TRERF1: variants seen among roughly 807,000 people sequenced by gnomAD.
TRERF1 encodes transcriptional regulating factor 1.
TRERF1 carries 27 observed loss-of-function variants against 122.9 expected under a neutral mutation model. The ratio of observed to expected loss-of-function variants is 0.22; its 90% CI spans 0.16 to 0.30. The LOEUF is 0.30. Ranked by LOEUF, TRERF1 falls within the 10% of genes least tolerant of loss-of-function variation. TRERF1 has a pLI of 1.00. For missense variants in TRERF1, 1,248 were observed against 1,560.3 expected (o/e 0.80, Z 3.37); for synonymous variants, 636 against 641.7 (o/e 0.99, Z 0.13).
At chr6:42,395,182 C>T (rs1013588970) in intron 2 of TRERF1, among the ~76,000 whole-genome samples, 2 of 152,192 alleles carry the variant, frequency 1.3e-5, no homozygotes, top group African/African-American at 4.8e-5. Flanking sequence ...TTGTGACAGC[C>T]AACTTCCCCT....
intron 2 of TRERF1, among the ~76,000 whole-genome samples, chr6:42,365,437 T>C (rs1253245321): frequency 6.6e-6 from 1 of 152,170 alleles, no homozygotes; most frequent in Non-Finnish European, 1.5e-5. Flanking sequence ...GAAGGCTTCA[T>C]CATTCTCCCG....
intron 2 of TRERF1, among the ~76,000 whole-genome samples, chr6:42,399,637 G>A (rs1779114602): frequency 6.6e-6 from 1 of 152,174 alleles, no homozygotes; most frequent in South Asian, 2.1e-4. Context: ...TAAGACTTTG[G>A]AAAAGTCACA....
At chr6:42,446,263 A>G (rs1321518201) in intron 2 of TRERF1, among the ~76,000 whole-genome samples, 4 of 152,126 alleles carry the variant, frequency 2.6e-5, no homozygotes, top group African/African-American at 9.7e-5. Context: ...TGAAATGTAA[A>G]CCTTTTCAAA....
Position 42,263,226 on chromosome 6 carries a change from C to T in TRERF1, c.1884+94G>A, listed in dbSNP as rs1369601672. ...TCTCCAAGAAAGCAAAGGGATGTCC[C>T]CACCCAGGCAGGTGGGGCAGAGCAG... On this transcript the variant is annotated intron_variant, in intron 8 of 17. Transcript: ENST00000372922. The surrounding 1 kb of genome is among the most constrained non-coding windows in gnomAD (Gnocchi z 5.6). 1.3e-6 allele frequency: 2 copies of T among 1,484,476 alleles called. No individual in the cohort carries two copies. The highest frequency in any genetic ancestry group is 1.8e-6 in the Non-Finnish European group (2 of 1,112,898). 92.0% of individuals were successfully genotyped at this position (1,484,476 alleles called of 1,614,324 possible).
chr6:42,377,450 C>G (rs1207406456), intron 2 of TRERF1, among the ~76,000 whole-genome samples: 1 of 152,196 alleles, frequency 6.6e-6, no homozygotes, highest in Non-Finnish European at 1.5e-5. Context: ...TTCTTTCACT[C>G]AGCATAATGT....
intron 2 of TRERF1, among the ~76,000 whole-genome samples, chr6:42,408,090 T>C (rs577924164): frequency 6.6e-6 from 1 of 151,872 alleles, no homozygotes; most frequent in South Asian, 2.1e-4. Flanking sequence ...ATTTCACCAA[T>C]ATAGTCTAAG....
At chr6:42,266,051 T>G (rs991837927) in intron 5 of TRERF1, among the ~76,000 whole-genome samples, 4 of 152,080 alleles carry the variant, frequency 2.6e-5, no homozygotes, top group African/African-American at 9.7e-5. Flanking sequence ...CCCACCAGGA[T>G]GCAACTCCCC....
At chr6:42,403,902 C>G (rs191675601) in intron 2 of TRERF1, among the ~76,000 whole-genome samples, 23 of 152,242 alleles carry the variant, frequency 1.5e-4, no homozygotes, top group Non-Finnish European at 2.9e-5. Context: ...CTGGGCTCAT[C>G]CGCACTGACA....
intron 4 of TRERF1, among the ~76,000 whole-genome samples, chr6:42,297,375 C>G (rs973614615): frequency 6.6e-6 from 1 of 152,174 alleles, no homozygotes; most frequent in Admixed American, 6.5e-5. Context: ...GAGCTGGCAT[C>G]AAAGCTGGCT....
At chr6:42,377,765 T>G (rs563715635) in intron 2 of TRERF1, among the ~76,000 whole-genome samples, 1 of 152,168 alleles carries the variant, frequency 6.6e-6, no homozygotes. Flanking sequence ...CAGGCCATGA[T>G]AGAAATAACT....
chr6:42,232,640 CA>C lies in TRERF1; in HGVS notation c.3278+40del, dbSNP rs1442088005. The C allele has an allele frequency of 1.3e-6, 2 of 1,536,028 alleles. No individual in the cohort carries two copies. The highest frequency in any genetic ancestry group is 1.8e-6 in the Non-Finnish European group (2 of 1,135,274). On this transcript the variant is annotated intron_variant, in intron 17 of 17. Coordinates refer to ENST00000372922, the Ensembl canonical transcript of TRERF1. This position sits in a 1 kb window ranked among gnomAD's most constrained non-coding sequence, Gnocchi z 4.5. ...GCCCAGCTCCCATAGAGCGACTACCCATCATGAACTCAGATTCAGTCCCCGG... is the reference window on the plus strand; with the variant it reads ...GCCCAGCTCCCATAGAGCGACTACCCTCATGAACTCAGATTCAGTCCCCGG...
chr6:42,360,739 G>C (rs1311517094), intron 3 of TRERF1, among the ~76,000 whole-genome samples: 1 of 121,228 alleles, frequency 8.2e-6, no homozygotes, highest in Non-Finnish European at 1.6e-5. Context: ...GCCTGAGGAT[G>C]AACTGACCCA....
At chr6:42,404,961 C>A (rs1779958143) in intron 2 of TRERF1, among the ~76,000 whole-genome samples, 1 of 152,210 alleles carries the variant, frequency 6.6e-6, no homozygotes, top group Non-Finnish European at 1.5e-5. Context: ...TACCCACCCC[C>A]AGGCTACAGT....
intron 13 of TRERF1, among the ~76,000 whole-genome samples, chr6:42,247,443 G>A (rs1162097066): frequency 2.0e-5 from 3 of 152,200 alleles, no homozygotes; most frequent in African/African-American, 7.2e-5. Flanking sequence ...TTGTTAGGAT[G>A]ATGAGCCCAT....
chr6:42,364,880 T>C (rs1002480987), intron 2 of TRERF1, among the ~76,000 whole-genome samples: 1 of 152,246 alleles, frequency 6.6e-6, no homozygotes, highest in Non-Finnish European at 1.5e-5. Context: ...GCTGCAGGAC[T>C]GAGGCGTGAG....
chr6:42,295,235 T>A (rs559207555), intron 4 of TRERF1, among the ~76,000 whole-genome samples: 1 of 152,352 alleles, frequency 6.6e-6, no homozygotes, highest in African/African-American at 2.4e-5. Context: ...CAAATAATTT[T>A]TTGGTGCTCC....
intron 3 of TRERF1, among the ~76,000 whole-genome samples, chr6:42,307,082 A>G (rs1787397470): frequency 6.6e-6 from 1 of 152,260 alleles, no homozygotes. Flanking sequence ...GAAGAAGAGG[A>G]CCTTGGCTTA....
At chr6:42,329,621 AT>A (rs1243270026) in intron 3 of TRERF1, among the ~76,000 whole-genome samples, 1 of 152,176 alleles carries the variant, frequency 6.6e-6, no homozygotes, top group Non-Finnish European at 1.5e-5. Context: ...ATATATAGAT[AT>A]AAAGGAAGTT....
intron 3 of TRERF1, among the ~76,000 whole-genome samples, chr6:42,335,093 G>A (rs1275749159): frequency 1.3e-5 from 2 of 152,202 alleles, no homozygotes; most frequent in Non-Finnish European, 2.9e-5. Flanking sequence ...CTTCTACACA[G>A]CAAAACTAAG....
Sources: gnomAD v4.1 joint callset for allele counts (sites outside exome capture counted in the v4.1 genomes callset) on GRCh38, gnomAD v4.1.1 for gene constraint, Gnocchi (gnomAD v3.1) non-coding constraint, MANE v1.5 for transcripts, NCBI Gene and HGNC (gene_info 2026-07-23, HGNC 2026-07-21) for gene names.